The following OXR1 variants were observed in gnomAD, a reference collection of about 807,000 sequenced individuals.
OXR1 encodes the protein oxidation resistance protein 1.
In OXR1, 41 loss-of-function variants were observed where a neutral mutation model predicts 104.6. The observed-to-expected ratio is 0.39, with a 90% confidence interval of 0.31 to 0.51. The LOEUF is 0.51. Ranked by LOEUF, OXR1 falls within the 20% of genes least tolerant of loss-of-function variation. OXR1 has a pLI of 0.77. For synonymous variants in OXR1, 348 were observed against 348.4 expected, an observed-to-expected ratio of 1.00 and a Z score of 0.01; for missense variants, 955 against 1,031.9, an observed-to-expected ratio of 0.93 and a Z score of 1.02.
intron 3 of OXR1, among the ~76,000 whole-genome samples, chr8:106,555,103 T>A (rs1440720038): frequency 6.6e-6 from 1 of 152,196 alleles, no homozygotes; most frequent in Non-Finnish European, 1.5e-5. Context: ...TGTTGTACGT[T>A]AGATCCTTCG....
chr8:106,333,725 A>G (rs1209212297), intron 1 of OXR1, among the ~76,000 whole-genome samples: 1 of 152,100 alleles, frequency 6.6e-6, no homozygotes, highest in Non-Finnish European at 1.5e-5. Flanking sequence ...GCATTTGTTG[A>G]AATAACTGTT....
intron 3 of OXR1, among the ~76,000 whole-genome samples, chr8:106,674,186 T>C (rs930339928): frequency 2.6e-5 from 4 of 152,172 alleles, no homozygotes; most frequent in Admixed American, 2.6e-4. Flanking sequence ...GGAGAGGGGC[T>C]GTACCCTGCC....
chr8:106,473,773 G>A (rs940488474), intron 2 of OXR1, among the ~76,000 whole-genome samples: 1 of 150,100 alleles, frequency 6.7e-6, no homozygotes, highest in African/African-American at 2.4e-5. Context: ...AGGGACAGTA[G>A]TTTTAGTTTT....
At chr8:106,487,355 T>TC (rs398009247) in intron 2 of OXR1, among the ~76,000 whole-genome samples, 1 of 149,864 alleles carries the variant, frequency 6.7e-6, no homozygotes, top group African/African-American at 2.4e-5. Flanking sequence ...TTTTTTTTTT[T>TC]ATGCTGTTTA....
intron 3 of OXR1, among the ~76,000 whole-genome samples, chr8:106,584,366 A>C (rs573617651): frequency 1.6e-4 from 24 of 152,100 alleles, no homozygotes; most frequent in Admixed American, 1.4e-3. Flanking sequence ...ATGTGAGAAA[A>C]TTTCCCAGAA....
At chr8:106,359,200 C>A (rs988795936) in intron 1 of OXR1, among the ~76,000 whole-genome samples, 1 of 151,944 alleles carries the variant, frequency 6.6e-6, no homozygotes, top group Non-Finnish European at 1.5e-5. Flanking sequence ...TTTGGTTCCT[C>A]CAAATCACAT....
At chr8:106,727,676 T>A (rs184568004) in intron 11 of OXR1, among the ~76,000 whole-genome samples, 1 of 152,274 alleles carries the variant, frequency 6.6e-6, no homozygotes, top group Non-Finnish European at 1.5e-5. Flanking sequence ...CTACCTGCCT[T>A]GGCCTCCCAT....
At chr8:106,280,672 C>T (rs537919755) in intron 1 of OXR1, among the ~76,000 whole-genome samples, 25 of 152,072 alleles carry the variant, frequency 1.6e-4, no homozygotes, top group African/African-American at 5.1e-4. Flanking sequence ...GGTTGCACAA[C>T]GGTTTGAAGG....
At chr8:106,610,683 C>G (rs1442610194) in intron 3 of OXR1, among the ~76,000 whole-genome samples, 1 of 152,186 alleles carries the variant, frequency 6.6e-6, no homozygotes, top group Non-Finnish European at 1.5e-5. Context: ...TCCCCTGCTC[C>G]CAACTACCTG....
intron 3 of OXR1, among the ~76,000 whole-genome samples, chr8:106,638,039 A>G (rs1237450458): frequency 6.6e-6 from 1 of 152,042 alleles, no homozygotes; most frequent in Non-Finnish European, 1.5e-5. Context: ...TGCTGGGATT[A>G]CAGGCGTGAG....
intron 2 of OXR1, among the ~76,000 whole-genome samples, chr8:106,399,477 G>A (rs10100381): frequency 0.2 from 29,686 of 151,876 alleles, 3,740 homozygotes; most frequent in East Asian, 0.41. Flanking sequence ...ATTATATTTT[G>A]AAGCTCATTA....
At chr8:106,738,873 A>T (rs1192012958) in intron 12 of OXR1, among the ~76,000 whole-genome samples, 1 of 152,046 alleles carries the variant, frequency 6.6e-6, no homozygotes, top group Non-Finnish European at 1.5e-5. Flanking sequence ...AAAAAATTAA[A>T]TGTTTAGAAA....
intron 1 of OXR1, among the ~76,000 whole-genome samples, chr8:106,324,663 C>T (rs1814387895): frequency 6.6e-6 from 1 of 151,886 alleles, no homozygotes; most frequent in African/African-American, 2.4e-5. Context: ...CCTCCATCGT[C>T]ATCAACCACC....
chr8:106,479,757 T>C (rs1165021888), intron 2 of OXR1, among the ~76,000 whole-genome samples: 4 of 152,066 alleles, frequency 2.6e-5, no homozygotes, highest in African/African-American at 9.7e-5. Flanking sequence ...ATTTAATCAA[T>C]ATTCACATCT....
chr8:106,515,451 A>G (rs1265642774), intron 2 of OXR1, among the ~76,000 whole-genome samples: 1 of 152,070 alleles, frequency 6.6e-6, no homozygotes, highest in Admixed American at 6.6e-5. Flanking sequence ...TCAACATTAT[A>G]CCCATCTAAA....
At chr8:106,377,625 G>A (rs1170428898) in intron 2 of OXR1, among the ~76,000 whole-genome samples, 1 of 152,128 alleles carries the variant, frequency 6.6e-6, no homozygotes, top group Non-Finnish European at 1.5e-5. Context: ...AATCTATGCT[G>A]GATATATTTC....
intron 3 of OXR1, among the ~76,000 whole-genome samples, chr8:106,588,901 G>C (rs1370261225): frequency 6.6e-6 from 1 of 152,220 alleles, no homozygotes; most frequent in African/African-American, 2.4e-5. Context: ...TTCACTGTCT[G>C]ATGTTTTAAT....
intron 11 of OXR1, chr8:106,720,783 G>T (rs1832759368): frequency 1.4e-6 from 1 of 710,804 alleles, no homozygotes; most frequent in Non-Finnish European, 1.7e-6. Context: ...CTTCAACTTT[G>T]TCCATCAAAT....
intron 3 of OXR1, among the ~76,000 whole-genome samples, chr8:106,540,405 G>T (rs1490416815): frequency 6.6e-6 from 1 of 152,120 alleles, no homozygotes; most frequent in African/African-American, 2.4e-5. Flanking sequence ...GTCCTAGAGT[G>T]AATCTATTTT....
Sources: allele counts gnomAD v4.1 joint callset (sites outside exome capture counted in the v4.1 genomes callset), GRCh38; gene constraint gnomAD v4.1.1; transcripts MANE v1.5; gene names NCBI Gene and HGNC (gene_info 2026-07-23, HGNC 2026-07-21).